Variants in CNTN5 observed in about 807,000 individuals in gnomAD.
CNTN5 encodes the protein contactin 5, also known as contactin-5.
CNTN5 carries 77 observed loss-of-function variants against 129.1 expected under a neutral mutation model. The ratio of observed to expected loss-of-function variants is 0.60; its 90% CI spans 0.50 to 0.72. CNTN5 has a LOEUF of 0.72. Ranked by LOEUF, CNTN5 falls within the 30% of genes least tolerant of loss-of-function variation. CNTN5 has a pLI of 0.00. For synonymous variants in CNTN5, 509 were observed against 465.6 expected, an observed-to-expected ratio of 1.09 and a Z score of -1.20; for missense variants, 1,478 against 1,328.8, an observed-to-expected ratio of 1.11 and a Z score of -1.75.
chr11:99,927,419 T>G (rs1329311705), intron 7 of CNTN5, among the ~76,000 whole-genome samples: 1 of 152,138 alleles, frequency 6.6e-6, no homozygotes, highest in East Asian at 1.9e-4. Flanking sequence ...TAGTGCATTA[T>G]CCCGCTGCTA....
chr11:100,150,721 G>A (rs972118247), intron 13 of CNTN5, among the ~76,000 whole-genome samples: 8 of 151,922 alleles, frequency 5.3e-5, no homozygotes, highest in Non-Finnish European at 8.8e-5. Flanking sequence ...TTTTCTAGCT[G>A]AACTCGGCTA....
At chr11:100,105,716 G>A (rs144787774) in intron 13 of CNTN5, among the ~76,000 whole-genome samples, 3 of 151,992 alleles carry the variant, frequency 2.0e-5, no homozygotes, top group Admixed American at 2.0e-4. Context: ...AGGTCTCATC[G>A]TTTCAGACCT....
intron 13 of CNTN5, among the ~76,000 whole-genome samples, chr11:100,121,531 C>G (rs1269780299): frequency 1.3e-5 from 2 of 151,756 alleles, no homozygotes; most frequent in East Asian, 3.9e-4. Flanking sequence ...AATTGTTCCT[C>G]TCCTTGGTGG....
chr11:100,192,314 T>G (rs1330244722), intron 14 of CNTN5, among the ~76,000 whole-genome samples: 1 of 151,996 alleles, frequency 6.6e-6, no homozygotes, highest in East Asian at 1.9e-4. Context: ...CCCACAAAAT[T>G]TAAACTACAG....
At position 99,679,054 on chromosome 11, in the gene CNTN5, A is replaced by T. The variant is rs549506787; in HGVS notation, c.55+122785A>T. Among the ~76,000 whole-genome samples, 28 of 147,326 alleles carry T rather than the reference A, an allele frequency of 1.9e-4. No homozygotes were observed. The South Asian group carries it at 5.5e-3, about 29-fold the overall frequency. ...TATATAAAATATATGCATTTTATAT[A>T]TACTTATATATGTCTTCTATATATA... On this transcript the variant is annotated intron_variant, in intron 3 of 24. Coordinates refer to ENST00000524871, the MANE Select transcript of CNTN5 (RefSeq NM_014361.4).
chr11:99,472,633 G>T (rs1409941999), intron 2 of CNTN5, among the ~76,000 whole-genome samples: 1 of 152,084 alleles, frequency 6.6e-6, no homozygotes, highest in African/African-American at 2.4e-5. Context: ...ATTGGAAATG[G>T]AAACATACAT....
chr11:99,083,281 C>A (rs1865881283), intron 1 of CNTN5, among the ~76,000 whole-genome samples: 1 of 151,988 alleles, frequency 6.6e-6, no homozygotes, highest in Admixed American at 6.6e-5. Flanking sequence ...AATTCTTTCT[C>A]ACTGGTATTA....
chr11:99,224,011 A>T (rs894091103), intron 1 of CNTN5, among the ~76,000 whole-genome samples: 1 of 152,182 alleles, frequency 6.6e-6, no homozygotes, highest in East Asian at 1.9e-4. Context: ...CAAATAGAGA[A>T]AAAGAAGGAA....
intron 1 of CNTN5, among the ~76,000 whole-genome samples, chr11:99,127,114 T>A (rs967837730): frequency 2.0e-5 from 3 of 152,204 alleles, no homozygotes; most frequent in Non-Finnish European, 4.4e-5. Context: ...CATATTTTTA[T>A]ATGAAGCACC....
At chr11:99,769,323 C>T (rs771721208) in intron 3 of CNTN5, among the ~76,000 whole-genome samples, 1 of 152,024 alleles carries the variant, frequency 6.6e-6, no homozygotes, top group African/African-American at 2.4e-5. Flanking sequence ...AAGAAAGATA[C>T]CAAGATCTGA....
chr11:100,197,066 T>C (rs1948656982), intron 15 of CNTN5, among the ~76,000 whole-genome samples: 1 of 151,906 alleles, frequency 6.6e-6, no homozygotes, highest in African/African-American at 2.4e-5. Flanking sequence ...GTATTTGAAA[T>C]GGACCTGGCC....
intron 13 of CNTN5, among the ~76,000 whole-genome samples, chr11:100,134,164 G>T (rs1001973026): frequency 6.6e-6 from 1 of 152,138 alleles, no homozygotes; most frequent in Non-Finnish European, 1.5e-5. Context: ...GCTCATAGCT[G>T]CTTCTAATAA....
At chr11:99,214,373 T>C (rs540580182) in intron 1 of CNTN5, among the ~76,000 whole-genome samples, 1 of 141,212 alleles carries the variant, frequency 7.1e-6, no homozygotes, top group African/African-American at 2.6e-5. Context: ...TACCAAAAAA[T>C]ATATATATTA....
At chr11:99,385,324 C>G (rs1463726849) in intron 2 of CNTN5, among the ~76,000 whole-genome samples, 1 of 152,130 alleles carries the variant, frequency 6.6e-6, no homozygotes, top group African/African-American at 2.4e-5. Flanking sequence ...CCGCCCCACC[C>G]CTCACTGCCA....
chr11:99,477,994 T>C (rs1257396164), intron 2 of CNTN5, among the ~76,000 whole-genome samples: 1 of 152,114 alleles, frequency 6.6e-6, no homozygotes, highest in African/African-American at 2.4e-5. Flanking sequence ...AGATGATTTT[T>C]TTCTTTGCCT....
At chr11:99,864,673 T>G (rs1217123048) in intron 6 of CNTN5, among the ~76,000 whole-genome samples, 1 of 152,154 alleles carries the variant, frequency 6.6e-6, no homozygotes, top group Non-Finnish European at 1.5e-5. Context: ...CCCTAAGTAA[T>G]TCATTTTAAA....
chr11:99,270,482 A>G (rs986085388), intron 1 of CNTN5, among the ~76,000 whole-genome samples: 1 of 151,896 alleles, frequency 6.6e-6, no homozygotes, highest in Non-Finnish European at 1.5e-5. Context: ...TTTTTGGTCT[A>G]TAACACTACT....
Position 99,351,005 on chromosome 11 carries a change from C to T in CNTN5, c.-71+25521C>T, listed in dbSNP as rs1455186292. ...TGGACCCAGGGAGGGGATCATCACA[C>T]ACCAAGGCCTGTGGGGGTGGGGGCC... On this transcript the variant is annotated intron_variant, in intron 2 of 24. Coordinates refer to ENST00000524871, the MANE Select transcript of CNTN5 (RefSeq NM_014361.4). Among the ~76,000 whole-genome samples the T allele has an allele frequency of 4.6e-5, 7 of 151,884 alleles. No individual in the cohort carries two copies. In the South Asian group the frequency reaches 6.2e-4, roughly 14 times the overall value.
chr11:100,306,091 T>A (rs146861118), intron 20 of CNTN5, among the ~76,000 whole-genome samples: 42 of 151,658 alleles, frequency 2.8e-4, no homozygotes, highest in Non-Finnish European at 3.8e-4. Flanking sequence ...ATTAAAATGA[T>A]TCTTCAGTTC....
Sources: gnomAD v4.1 joint callset for allele counts (sites outside exome capture counted in the v4.1 genomes callset) on GRCh38, gnomAD v4.1.1 for gene constraint, MANE v1.5 for transcripts, NCBI Gene and HGNC (gene_info 2026-07-23, HGNC 2026-07-21) for gene names.